Variants in KCNIP4 observed in about 807,000 individuals in gnomAD.
The protein encoded by KCNIP4 is Kv channel-interacting protein 4.
KCNIP4 carries 12 observed loss-of-function variants against 34.0 expected under a neutral mutation model. The ratio of observed to expected loss-of-function variants is 0.35; its 90% CI spans 0.23 to 0.57. The LOEUF is 0.57. Ranked by LOEUF, KCNIP4 falls within the 20% of genes least tolerant of loss-of-function variation. The probability of loss-of-function intolerance (pLI) is 0.83; values close to 1 mark genes in which losing one functional copy is unlikely to be tolerated. For synonymous variants in KCNIP4, 124 were observed against 102.2 expected, an observed-to-expected ratio of 1.21 and a Z score of -1.29; for missense variants, 238 against 311.7, an observed-to-expected ratio of 0.76 and a Z score of 1.78.
intron 1 of KCNIP4, among the ~76,000 whole-genome samples, chr4:21,378,900 A>T (rs1393218991): frequency 1.3e-5 from 2 of 152,188 alleles, no homozygotes; most frequent in Non-Finnish European, 2.9e-5. Flanking sequence ...AATTAAAAAA[A>T]CACAGGGTTG....
intron 1 of KCNIP4, among the ~76,000 whole-genome samples, chr4:21,475,202 T>C (rs974882292): frequency 1.3e-5 from 2 of 152,142 alleles, no homozygotes; most frequent in Non-Finnish European, 2.9e-5. Context: ...CAGGAGAATA[T>C]ATATATCTCT....
intron 1 of KCNIP4, among the ~76,000 whole-genome samples, chr4:21,615,126 A>G (rs144885090): frequency 0.011 from 1,702 of 152,278 alleles, 11 homozygotes; most frequent in Middle Eastern, 0.048. Flanking sequence ...AAGGAGGGAG[A>G]GAAAAGAGTG....
At chr4:21,583,415 A>AAT (rs903796238) in intron 1 of KCNIP4, among the ~76,000 whole-genome samples, 1 of 151,900 alleles carries the variant, frequency 6.6e-6, no homozygotes, top group Admixed American at 6.6e-5. Flanking sequence ...TAAATAAGGC[A>AAT]ATATATATAT....
At chr4:20,800,189 A>T (rs530718148) in intron 3 of KCNIP4, among the ~76,000 whole-genome samples, 1 of 152,208 alleles carries the variant, frequency 6.6e-6, no homozygotes, top group Admixed American at 6.5e-5. Context: ...ACTGATCACA[A>T]TTGAAGAAGC....
intron 1 of KCNIP4, among the ~76,000 whole-genome samples, chr4:21,870,482 T>A (rs559721386): frequency 2.3e-4 from 35 of 152,326 alleles, no homozygotes; most frequent in African/African-American, 6.5e-4. Context: ...ATGCTACTGA[T>A]ACATGTGATG....
intron 1 of KCNIP4, chr4:21,848,127 G>A (rs894907286): frequency 6.6e-6 from 1 of 152,226 alleles, no homozygotes; most frequent in South Asian, 2.1e-4. Context: ...CAGCAGCTCA[G>A]ATATTTGAGT....
At chr4:21,898,260 G>A (rs1727510374) in intron 1 of KCNIP4, among the ~76,000 whole-genome samples, 1 of 152,174 alleles carries the variant, frequency 6.6e-6, no homozygotes, top group African/African-American at 2.4e-5. Flanking sequence ...TGGGCTTGGA[G>A]TCAGTGGTCT....
chr4:20,786,643 C>A (rs972205555), intron 3 of KCNIP4, among the ~76,000 whole-genome samples: 1 of 152,014 alleles, frequency 6.6e-6, no homozygotes, highest in Non-Finnish European at 1.5e-5. Context: ...TGTTCTCTTA[C>A]GAAAGTTGCA....
At chr4:21,148,055 C>T (rs536114293) in intron 1 of KCNIP4, among the ~76,000 whole-genome samples, 1 of 150,656 alleles carries the variant, frequency 6.6e-6, no homozygotes, top group South Asian at 2.1e-4. Context: ...CCCTCCAAAT[C>T]ATAGACCAAA....
At chr4:20,788,483 C>T (rs375599844) in intron 3 of KCNIP4, among the ~76,000 whole-genome samples, 6 of 152,134 alleles carry the variant, frequency 3.9e-5, no homozygotes, top group African/African-American at 1.2e-4. Context: ...GAGCAGAGAA[C>T]ACACAGGGCT....
intron 1 of KCNIP4, among the ~76,000 whole-genome samples, chr4:21,337,165 G>A (rs1716259238): frequency 6.6e-6 from 1 of 152,130 alleles, no homozygotes; most frequent in Non-Finnish European, 1.5e-5. Flanking sequence ...AGCAAAAGGT[G>A]TTTAGGTACA....
chr4:21,103,511 T>C (rs1054397691), intron 1 of KCNIP4, among the ~76,000 whole-genome samples: 1 of 151,006 alleles, frequency 6.6e-6, no homozygotes, highest in African/African-American at 2.4e-5. Flanking sequence ...CTTAAATCAG[T>C]GGAGACTTTA....
chr4:21,810,977 T>C (rs548894872), intron 1 of KCNIP4, among the ~76,000 whole-genome samples: 107 of 152,296 alleles, frequency 7.0e-4, no homozygotes, highest in Non-Finnish European at 1.3e-3. Flanking sequence ...TAAGTTAACA[T>C]GAAAATTTTT....
At chr4:21,708,669 A>G (rs1713478479) in intron 1 of KCNIP4, among the ~76,000 whole-genome samples, 1 of 152,068 alleles carries the variant, frequency 6.6e-6, no homozygotes, top group African/African-American at 2.4e-5. Context: ...CCATTTCAAA[A>G]CAAATCACAA....
intron 5 of KCNIP4, among the ~76,000 whole-genome samples, chr4:20,739,300 C>A (rs2149294565): frequency 6.6e-6 from 1 of 152,272 alleles, no homozygotes; most frequent in South Asian, 2.1e-4. Context: ...GGTCCCTGAC[C>A]CCCGAGTAGC....
chr4:21,178,635 A>G (rs946880458), intron 1 of KCNIP4, among the ~76,000 whole-genome samples: 4 of 97,590 alleles, frequency 4.1e-5, no homozygotes, highest in Non-Finnish European at 8.7e-5. Context: ...GCTAGTAATT[A>G]TATTACTTCA....
chr4:21,060,756 G>C (rs1165422204), intron 1 of KCNIP4, among the ~76,000 whole-genome samples: 1 of 152,176 alleles, frequency 6.6e-6, no homozygotes, highest in Non-Finnish European at 1.5e-5. Flanking sequence ...TGAAGCAATA[G>C]CTGGGAAGAG....
At chr4:21,582,385 T>G (rs1296013767) in intron 1 of KCNIP4, 1 of 152,002 alleles carries the variant, frequency 6.6e-6, no homozygotes, top group East Asian at 1.9e-4. Context: ...GGTAAGTGGT[T>G]TAGTATGATG....
chr4:20,765,572 G>GT (rs1755325797), intron 3 of KCNIP4, among the ~76,000 whole-genome samples: 1 of 152,166 alleles, frequency 6.6e-6, no homozygotes, highest in South Asian at 2.1e-4. Flanking sequence ...TACTGTCATT[G>GT]TAAATGGCTA....
Sources: gnomAD v4.1 joint callset for allele counts (sites outside exome capture counted in the v4.1 genomes callset) on GRCh38, gnomAD v4.1.1 for gene constraint, MANE v1.5 for transcripts, NCBI Gene and HGNC (gene_info 2026-07-23, HGNC 2026-07-21) for gene names.